The following FAM107B variants were observed in gnomAD, a reference collection of about 807,000 sequenced individuals.
The protein encoded by FAM107B is family with sequence similarity 107 member B, also known as protein FAM107B.
A neutral mutation model predicts 31.5 loss-of-function variants in FAM107B; 21 were observed. The ratio of observed to expected loss-of-function variants is 0.67; its 90% CI spans 0.47 to 0.96. The LOEUF is 0.96. Ranked by LOEUF, FAM107B falls within the 40% of genes least tolerant of loss-of-function variation. FAM107B has a pLI of 0.00. For synonymous variants in FAM107B, 157 were observed against 141.5 expected (o/e 1.11, Z -0.78); for missense variants, 452 against 377.1 (o/e 1.20, Z -1.64).
chr10:14,619,879 T>G (rs1032251514), intron 2 of FAM107B, among the ~76,000 whole-genome samples: 3 of 151,848 alleles, frequency 2.0e-5, no homozygotes, highest in Non-Finnish European at 4.4e-5. Context: ...TTGAATTTCT[T>G]TTTTTTTCAT....
At chr10:14,568,274 G>A (rs1004496861) in intron 2 of FAM107B, among the ~76,000 whole-genome samples, 2 of 147,458 alleles carry the variant, frequency 1.4e-5, no homozygotes, top group Non-Finnish European at 3.0e-5. Context: ...ATTCCCAAGG[G>A]AGCCAAGGCA....
At chr10:14,733,527 C>T (rs1223867474) in intron 1 of FAM107B, among the ~76,000 whole-genome samples, 6 of 152,080 alleles carry the variant, frequency 3.9e-5, no homozygotes, top group South Asian at 4.1e-4. Context: ...TCTGTCTCAA[C>T]CAGGAAATTA....
chr10:14,530,079 C>A (rs1846786131), intron 3 of FAM107B: 1 of 384,296 alleles, frequency 2.6e-6, no homozygotes, highest in South Asian at 5.6e-5. Flanking sequence ...TGGAAATACA[C>A]ATCCATTTCA....
At chr10:14,666,627 G>C (rs955768686) in intron 2 of FAM107B, among the ~76,000 whole-genome samples, 2 of 152,140 alleles carry the variant, frequency 1.3e-5, no homozygotes, top group African/African-American at 4.8e-5. Flanking sequence ...CAAGATGGTT[G>C]GGAACGTTTT....
At chr10:14,738,055 C>A (rs1233112903) in intron 1 of FAM107B, among the ~76,000 whole-genome samples, 4 of 152,124 alleles carry the variant, frequency 2.6e-5, no homozygotes, top group African/African-American at 9.7e-5. Context: ...TTTACACACA[C>A]GGTCTCATTG....
intron 1 of FAM107B, among the ~76,000 whole-genome samples, chr10:14,675,577 A>G (rs1046257225): frequency 4.8e-4 from 73 of 152,286 alleles, no homozygotes; most frequent in African/African-American, 1.6e-3. Context: ...AGGAGACCCA[A>G]CCCTTTCCAA....
rs951432091 is a variant in FAM107B at position 14,689,641 on chromosome 10, A to G, written c.412-21950T>C. ...CTTAAGGAACAAAGCCTCTGACAAT[A>G]TTTTTCGCTTTTAATTTTTGTTTAA... is the stretch of plus-strand genomic sequence containing the variant. On this transcript the variant is annotated intron_variant, in intron 1 of 4. Coordinates refer to ENST00000181796, the MANE Select transcript of FAM107B (RefSeq NM_031453.4). Among the ~76,000 whole-genome samples the G allele has an allele frequency of 5.3e-5, 8 of 151,908 alleles. No homozygotes were observed. In the East Asian group the frequency reaches 1.6e-3, roughly 29 times the overall value.
intron 2 of FAM107B, among the ~76,000 whole-genome samples, chr10:14,643,689 C>T (rs926758713): frequency 2.6e-5 from 4 of 152,112 alleles, no homozygotes; most frequent in African/African-American, 4.8e-5. Flanking sequence ...GGATTACAGG[C>T]GTGAGCCACT....
chr10:14,645,442 G>A (rs1260043560), intron 2 of FAM107B, among the ~76,000 whole-genome samples: 4 of 152,088 alleles, frequency 2.6e-5, no homozygotes, highest in African/African-American at 4.8e-5. Flanking sequence ...AAGCAAGCCT[G>A]AGAAAGAACA....
Position 14,604,353 on chromosome 10 carries a change from C to T in FAM107B, c.469+63281G>A, listed in dbSNP as rs1054612276. ...GCCCGAGGCGGCGCGAGGGCGGCTC[C>T]GGGGGCGGCGGCCCGGCCCGCAAGC... On this transcript the variant is annotated intron_variant, in intron 2 of 4. Coordinates refer to ENST00000181796, the MANE Select transcript of FAM107B (RefSeq NM_031453.4). 9.2e-6 allele frequency: 6 copies of T among 649,604 alleles called. No homozygotes were observed. In the African/African-American group the frequency reaches 1.2e-4, roughly 13 times the overall value. The allele number at this position is 649,604 out of a possible 1,614,324, so 40.2% of individuals were successfully genotyped here. A position where few individuals can be genotyped will look rare whatever the true frequency, so the allele number is the denominator to read the frequency against.
At chr10:14,641,253 C>T (rs561455651) in intron 2 of FAM107B, among the ~76,000 whole-genome samples, 5 of 152,122 alleles carry the variant, frequency 3.3e-5, no homozygotes, top group Non-Finnish European at 5.9e-5. Flanking sequence ...TATTAAGTAC[C>T]GATTTTGACA....
chr10:14,671,386 G>C (rs1045675889), intron 1 of FAM107B, among the ~76,000 whole-genome samples: 1 of 152,166 alleles, frequency 6.6e-6, no homozygotes, highest in Non-Finnish European at 1.5e-5. Context: ...GGGGGAAACA[G>C]GGACTCTTAC....
At chr10:14,531,796 T>C (rs1847047194) in intron 2 of FAM107B, among the ~76,000 whole-genome samples, 1 of 152,048 alleles carries the variant, frequency 6.6e-6, no homozygotes, top group South Asian at 2.1e-4. Flanking sequence ...GATCGCACCA[T>C]TGCACTCAGC....
At chr10:14,613,457 T>C (rs1242665195) in intron 2 of FAM107B, among the ~76,000 whole-genome samples, 1 of 152,240 alleles carries the variant, frequency 6.6e-6, no homozygotes, top group African/African-American at 2.4e-5. Context: ...ACTTCTCTTC[T>C]TACTCAGAAC....
intron 2 of FAM107B, among the ~76,000 whole-genome samples, chr10:14,663,732 A>G (rs1263978017): frequency 1.3e-5 from 2 of 152,086 alleles, no homozygotes. Context: ...ATACAGACAC[A>G]ATTATCTGAG....
chr10:14,741,069 C>A (rs958205243), intron 1 of FAM107B, among the ~76,000 whole-genome samples: 17 of 152,108 alleles, frequency 1.1e-4, no homozygotes, highest in Non-Finnish European at 1.5e-5. Flanking sequence ...TTCCAACAAG[C>A]AGACAGCACT....
At chr10:14,624,842 A>G (rs911039500) in intron 2 of FAM107B, among the ~76,000 whole-genome samples, 1 of 152,350 alleles carries the variant, frequency 6.6e-6, no homozygotes, top group South Asian at 2.1e-4. Flanking sequence ...TACATAAGGA[A>G]GTTCCTTTCT....
chr10:14,604,960 C>A (rs1278802713), intron 2 of FAM107B, among the ~76,000 whole-genome samples: 1 of 152,162 alleles, frequency 6.6e-6, no homozygotes, highest in African/African-American at 2.4e-5. Context: ...TTCTGTCTCA[C>A]ACACAAAGTA....
chr10:14,558,281 A>G (rs1438228652), intron 2 of FAM107B, among the ~76,000 whole-genome samples: 3 of 148,812 alleles, frequency 2.0e-5, no homozygotes, highest in East Asian at 1.9e-4. Flanking sequence ...ACGTGCACGC[A>G]CACACACACA....
Sources: allele counts gnomAD v4.1 joint callset (sites outside exome capture counted in the v4.1 genomes callset), GRCh38; gene constraint gnomAD v4.1.1; transcripts MANE v1.5; gene names NCBI Gene and HGNC (gene_info 2026-07-23, HGNC 2026-07-21).